TM7SF3: variants seen among roughly 807,000 people sequenced by gnomAD.
TM7SF3 encodes seven span transmembrane protein.
In TM7SF3, 60 loss-of-function variants were observed where a neutral mutation model predicts 65.5. That is an observed-to-expected ratio of 0.92 (90% CI 0.74 to 1.14). The LOEUF is 1.14. Ranked by LOEUF, TM7SF3 falls within the 50% of genes most tolerant of loss-of-function variation. The probability of loss-of-function intolerance (pLI) is 0.00; values close to 1 mark genes in which losing one functional copy is unlikely to be tolerated. For missense variants in TM7SF3, 623 were observed against 684.8 expected (o/e 0.91, Z 1.01); for synonymous variants, 264 against 259.6 (o/e 1.02, Z -0.16).
In TM7SF3 at chr12:26,976,407, G is replaced by A. The variant is rs1379113626; in HGVS notation, c.1190-50C>T. On this transcript the variant is annotated intron_variant, in intron 9 of 11. Transcript: ENST00000343028. ...AGTAAACAACAGCTTTACCAAGTTA[G>A]AGTTGGTTTCTTGGAACATCTGAAC... 6.0e-6 allele frequency: 8 copies of A among 1,325,062 alleles called. No homozygotes were observed. In the East Asian group the frequency reaches 9.3e-5, roughly 15 times the overall value. 82.1% of individuals were successfully genotyped at this position (1,325,062 alleles called of 1,614,324 possible).
chr12:26,995,616 G>A (rs1940558500), intron 4 of TM7SF3, among the ~76,000 whole-genome samples: 1 of 152,186 alleles, frequency 6.6e-6, no homozygotes, highest in South Asian at 2.1e-4. Flanking sequence ...TTAATATGCT[G>A]AGACCCTCAC....
chr12:26,980,746 C>T (rs563936914), intron 7 of TM7SF3, 100 bp from the exon 8 acceptor site: 2 of 597,842 alleles, frequency 3.3e-6, no homozygotes, highest in East Asian at 3.0e-5. Flanking sequence ...TCTACAAATA[C>T]ATGCTTAAGC....
intron 1 of TM7SF3, among the ~76,000 whole-genome samples, chr12:27,004,993 T>C (rs1416122431): frequency 6.6e-6 from 1 of 152,238 alleles, no homozygotes; most frequent in East Asian, 1.9e-4. Flanking sequence ...TGTGTGCACG[T>C]GTTTTTTCTT....
At chr12:26,981,786 C>G (rs1003374675) in intron 7 of TM7SF3, among the ~76,000 whole-genome samples, 1 of 152,122 alleles carries the variant, frequency 6.6e-6, no homozygotes. Context: ...TTTTAATAAT[C>G]GAAAACATCA....
rs949983803 is a variant in TM7SF3, at chr12:26,992,345, C to T, written c.691-1718G>A. Among the ~76,000 whole-genome samples, 3 of 152,066 alleles carry T rather than the reference C, an allele frequency of 2.0e-5. No individual in the cohort carries two copies. In the East Asian group the frequency reaches 5.8e-4, roughly 29 times the overall value. ...GGCTGGAGTGCAGTGGCACGATCAT[C>T]TCGGCTCACTGCAAGCTCTGCCTCC... is the stretch of plus-strand genomic sequence containing the variant. On this transcript the variant is annotated intron_variant, in intron 5 of 11. Coordinates refer to ENST00000343028, the MANE Select transcript of TM7SF3 (RefSeq NM_016551.3).
intron 2 of TM7SF3, among the ~76,000 whole-genome samples, chr12:27,001,676 A>G (rs542166145): frequency 1.3e-5 from 2 of 152,332 alleles, no homozygotes; most frequent in East Asian, 3.9e-4. Flanking sequence ...TTAGGAAGAA[A>G]CACACTGTTT....
chr12:26,991,884 C>G (rs1033116221), intron 5 of TM7SF3, among the ~76,000 whole-genome samples: 8 of 152,348 alleles, frequency 5.3e-5, no homozygotes, highest in Non-Finnish European at 1.0e-4. Flanking sequence ...CTTCTAAACA[C>G]TTCACTGTGC....
intron 4 of TM7SF3, 102 bp downstream of exon 4, chr12:26,996,640 T>G: frequency 7.9e-7 from 1 of 1,270,234 alleles, no homozygotes; most frequent in Non-Finnish European, 1.1e-6. Flanking sequence ...TTAACTCAAT[T>G]TTACTACAGA....
intron 9 of TM7SF3, chr12:26,978,033 T>C (rs183679708): frequency 8.2e-5 from 36 of 440,414 alleles, no homozygotes; most frequent in African/African-American, 6.3e-4. Context: ...GAGTTTGAGG[T>C]TGCAGTGAGC....
In TM7SF3 at chr12:26,995,712, C is replaced by T. The variant is rs1940562950; in HGVS notation, c.519-304G>A. Among the ~76,000 whole-genome samples, 3 of 152,252 alleles carry T rather than the reference C, an allele frequency of 2.0e-5. No individual in the cohort carries two copies. In the South Asian group the frequency reaches 6.2e-4, roughly 32 times the overall value. On this transcript the variant is annotated intron_variant, in intron 4 of 11. Transcript: ENST00000343028. ...AGCCCTAATGAATCGAATTACTGCC[C>T]TCATAAAGGAGATCCCAGAGAGCCC... is the stretch of plus-strand genomic sequence containing the variant.
chr12:27,008,592 T>C (rs7299556), intron 1 of TM7SF3, among the ~76,000 whole-genome samples: 51,582 of 152,004 alleles, frequency 0.34, 9,679 homozygotes, highest in East Asian at 0.55. Context: ...TTTGTCAACA[T>C]ATACCAAGAT....
At chr12:27,001,968 T>G (rs145910664) in intron 2 of TM7SF3, among the ~76,000 whole-genome samples, 42 of 152,264 alleles carry the variant, frequency 2.8e-4, no homozygotes, top group African/African-American at 8.4e-4. Flanking sequence ...TTAATACTAT[T>G]TATTCCTTTC....
chr12:26,989,869 T>C (rs1940270371), intron 6 of TM7SF3, among the ~76,000 whole-genome samples: 1 of 152,194 alleles, frequency 6.6e-6, no homozygotes, highest in Admixed American at 6.5e-5. Context: ...AACCTTCCAA[T>C]GCCTTTCCCT....
Position 27,014,182 on chromosome 12 carries a change from G to A in TM7SF3, c.-14C>T, listed in dbSNP as rs755664345. 3.9e-6 allele frequency: 6 copies of A among 1,552,766 alleles called. No individual in the cohort carries two copies. The highest frequency in any genetic ancestry group is 5.2e-6 in the Non-Finnish European group (6 of 1,147,878). On this transcript the variant is annotated 5_prime_UTR_variant, in exon 1 of 12. Transcript: ENST00000343028. ...CAGGAACCCCATTGCTGCCTGGGCC[G>A]GGCTGGGCCCACGCCAGGGCTGGGG... is the stretch of plus-strand genomic sequence containing the variant.
chr12:26,979,683 GAGA>G, intron 9 of TM7SF3, 98 bp downstream of exon 9: 1 of 1,335,780 alleles, frequency 7.5e-7, no homozygotes, highest in Admixed American at 2.1e-5. Context: ...AACTCCACAG[GAGA>G]AGCACTGACA....
chr12:27,008,906 G>A (rs1028356081), intron 1 of TM7SF3, among the ~76,000 whole-genome samples: 4 of 152,134 alleles, frequency 2.6e-5, no homozygotes, highest in Admixed American at 2.6e-4. Flanking sequence ...TACTTAATGA[G>A]TACAATGTAC....
intron 11 of TM7SF3, 131 bp from the exon 12 acceptor site, chr12:26,974,358 T>C (rs766558661): frequency 5.3e-6 from 5 of 945,952 alleles, no homozygotes; most frequent in Non-Finnish European, 7.7e-6. Context: ...TCCAAACACA[T>C]ATGTAGTTCC....
chr12:27,005,853 T>G (rs1009779465), intron 1 of TM7SF3, among the ~76,000 whole-genome samples: 46 of 151,410 alleles, frequency 3.0e-4, no homozygotes, highest in Non-Finnish European at 4.9e-4. Context: ...CTAGGTGGAG[T>G]GCAGTGGCGC....
intron 4 of TM7SF3, among the ~76,000 whole-genome samples, chr12:26,996,317 C>T (rs79369484): frequency 0.033 from 4,960 of 152,198 alleles, 151 homozygotes; most frequent in Non-Finnish European, 0.047. Flanking sequence ...CTCAGCACCA[C>T]GGACAATGCA....
Sources: gnomAD v4.1 joint callset for allele counts (sites outside exome capture counted in the v4.1 genomes callset) on GRCh38, gnomAD v4.1.1 for gene constraint, MANE v1.5 for transcripts, NCBI Gene and HGNC (gene_info 2026-07-23, HGNC 2026-07-21) for gene names.